Variants in INTS8 observed in about 807,000 individuals in gnomAD.
INTS8 encodes the protein protein kaonashi-1.
In INTS8, 47 loss-of-function variants were observed where a neutral mutation model predicts 138.9. The observed-to-expected ratio is 0.34, with a 90% CI of 0.27 to 0.43. The LOEUF (loss-of-function observed/expected upper bound fraction) is 0.43, where lower values mean the gene tolerates loss of function less well. Ranked by LOEUF, INTS8 falls within the 20% of genes least tolerant of loss-of-function variation. The pLI is 1.00. For synonymous variants in INTS8, 392 were observed against 400.9 expected (o/e 0.98, Z 0.27); for missense variants, 996 against 1,173.0 (o/e 0.85, Z 2.20).
chr8:94,876,567 AAT>A (rs1816572221), intron 26 of INTS8, 78 bp downstream of exon 26: 1 of 897,074 alleles, frequency 1.1e-6, no homozygotes, highest in Non-Finnish European at 1.7e-6. Flanking sequence ...ACCAACAAAA[AAT>A]AGATTTTGTG....
chr8:94,828,463 T>C (rs977093930), intron 4 of INTS8, among the ~76,000 whole-genome samples: 2 of 152,230 alleles, frequency 1.3e-5, no homozygotes, highest in Non-Finnish European at 2.9e-5. Flanking sequence ...TTTTTTTAAA[T>C]TTTTTATTTT....
chr8:94,872,160 G>A (rs1390873595), intron 21 of INTS8, among the ~76,000 whole-genome samples, 158 bp downstream of exon 21: 1 of 151,916 alleles, frequency 6.6e-6, no homozygotes, highest in Admixed American at 6.6e-5. Context: ...CTTTTTTTTA[G>A]TGTAGAGCCT....
intron 11 of INTS8, 36 bp downstream of exon 11, chr8:94,849,568 T>A (rs1563654580): frequency 1.6e-6 from 2 of 1,251,036 alleles, no homozygotes; most frequent in Non-Finnish European, 2.3e-6. Flanking sequence ...TTTTTTTTTT[T>A]AACTTTGAAC....
At chr8:94,873,218 G>A (rs1350748281) in intron 21 of INTS8, among the ~76,000 whole-genome samples, 156 bp from the exon 22 acceptor site, 1 of 152,186 alleles carries the variant, frequency 6.6e-6, no homozygotes, top group African/African-American at 2.4e-5. Context: ...TCTGTACTAG[G>A]ACATTTGGCA....
rs372618041 is a variant in INTS8, at chr8:94,870,794, T to G, written c.2415-1090T>G. 4.6e-5 allele frequency among the ~76,000 whole-genome samples: 7 copies of G among 152,334 alleles called. 1 individual carries two copies. The highest frequency in any genetic ancestry group is 1.9e-4 in the East Asian group (1 of 5,188). Reference sequence around the variant, plus strand: ...TTGTCTAAATTCACCTTGTAAATGATAGAGCCATGCGTCTGAATCCACAGC... The same window carrying G: ...TTGTCTAAATTCACCTTGTAAATGAGAGAGCCATGCGTCTGAATCCACAGC... On this transcript the variant is annotated intron_variant, in intron 20 of 26. Coordinates refer to ENST00000523731, the MANE Select transcript of INTS8 (RefSeq NM_017864.4).
intron 2 of INTS8, among the ~76,000 whole-genome samples, chr8:94,825,654 C>A (rs1384917706): frequency 6.6e-6 from 1 of 152,014 alleles, no homozygotes; most frequent in African/African-American, 2.4e-5. Flanking sequence ...GGTCATAAAT[C>A]ACTATCTCCT....
chr8:94,834,681 C>T lies in INTS8; in HGVS notation c.754-1843C>T, dbSNP rs147572827. On this transcript the variant is annotated intron_variant, in intron 6 of 26. Coordinates refer to ENST00000523731, the MANE Select transcript of INTS8 (RefSeq NM_017864.4). ...TCACCCCATTGCATTCCAGCCTGGGCGACAGGAGTGAAACTCCATCTCAAA... is the reference window on the plus strand; with the variant it reads ...TCACCCCATTGCATTCCAGCCTGGGTGACAGGAGTGAAACTCCATCTCAAA... Among the ~76,000 whole-genome samples, 277 of 145,574 alleles carry T rather than the reference C, an allele frequency of 1.9e-3. 1 individual carries two copies. Among genetic ancestry groups the T allele is most frequent in the African/African-American group, 6.3e-3 (245 of 39,018 alleles).
chr8:94,870,749 C>T (rs1219331231), intron 20 of INTS8, among the ~76,000 whole-genome samples: 1 of 152,178 alleles, frequency 6.6e-6, no homozygotes, highest in African/African-American at 2.4e-5. Flanking sequence ...ACTGTAACCC[C>T]TCAGGGCAAC....
chr8:94,845,095 C>T (rs1815284164), intron 10 of INTS8, among the ~76,000 whole-genome samples: 1 of 152,128 alleles, frequency 6.6e-6, no homozygotes, highest in Admixed American at 6.5e-5. Context: ...AATTTAATAT[C>T]AAATTTACCG....
chr8:94,850,520 G>A (rs1815497791), intron 12 of INTS8, among the ~76,000 whole-genome samples: 1 of 151,634 alleles, frequency 6.6e-6, no homozygotes, highest in African/African-American at 2.4e-5. Context: ...GCTGAGGTAG[G>A]AGAATGGCGT....
intron 17 of INTS8, 145 bp downstream of exon 17, chr8:94,865,835 G>C: frequency 1.4e-6 from 1 of 738,436 alleles, no homozygotes; most frequent in Non-Finnish European, 2.2e-6. Flanking sequence ...GAGTTCTGTA[G>C]TACTCACCTG....
At chr8:94,830,362 C>T (rs1417824853) in intron 5 of INTS8, among the ~76,000 whole-genome samples, 1 of 152,164 alleles carries the variant, frequency 6.6e-6, no homozygotes, top group Non-Finnish European at 1.5e-5. Context: ...CTGTATCTCA[C>T]TATAGCAAAT....
At chr8:94,849,622 C>T (rs1258466386) in intron 11 of INTS8, 90 bp downstream of exon 11, 3 of 820,870 alleles carry the variant, frequency 3.7e-6, no homozygotes, top group Admixed American at 5.7e-5. Flanking sequence ...TTGTTTTTGT[C>T]TTGGGTATCT....
At chr8:94,841,151 T>G (rs953463616) in intron 8 of INTS8, among the ~76,000 whole-genome samples, 1 of 152,094 alleles carries the variant, frequency 6.6e-6, no homozygotes, top group African/African-American at 2.4e-5. Flanking sequence ...TACCTCATGA[T>G]CCACCTGCCT....
At chr8:94,823,945 A>G (rs928736745) in intron 1 of INTS8, among the ~76,000 whole-genome samples, 3 of 152,156 alleles carry the variant, frequency 2.0e-5, no homozygotes, top group East Asian at 3.8e-4. Context: ...CTGGGGAGAA[A>G]CCAGCTGTTG....
chr8:94,825,428 A>G (rs892122534), intron 2 of INTS8, among the ~76,000 whole-genome samples: 8 of 97,794 alleles, frequency 8.2e-5, no homozygotes, highest in African/African-American at 2.1e-4. Context: ...TAAGACTCGG[A>G]AAAAAAAAAA....
intron 6 of INTS8, among the ~76,000 whole-genome samples, chr8:94,834,729 A>G (rs971749377): frequency 3.3e-5 from 5 of 152,062 alleles, no homozygotes; most frequent in African/African-American, 9.7e-5. Context: ...AAGTCAGCCA[A>G]ACATGTAGTG....
intron 2 of INTS8, among the ~76,000 whole-genome samples, chr8:94,826,572 CAGTA>C (rs1814512485): frequency 1.3e-5 from 2 of 152,150 alleles, no homozygotes; most frequent in Non-Finnish European, 2.9e-5. Flanking sequence ...GGCTGTTTGA[CAGTA>C]AGCAAGTCTA....
intron 15 of INTS8, 93 bp downstream of exon 15, chr8:94,857,071 CT>C (rs376956021): frequency 0.16 from 87,815 of 532,746 alleles, 3 homozygotes; most frequent in South Asian, 0.21. Flanking sequence ...AGTTTGTAAT[CT>C]TTTTTTTTTT....
Sources: allele counts gnomAD v4.1 joint callset (sites outside exome capture counted in the v4.1 genomes callset), GRCh38; gene constraint gnomAD v4.1.1; transcripts MANE v1.5; gene names NCBI Gene and HGNC (gene_info 2026-07-23, HGNC 2026-07-21).